NPDC1: variants seen among roughly 807,000 people sequenced by gnomAD.
NPDC1 encodes the protein neural proliferation differentiation and control protein 1.
NPDC1 carries 18 observed loss-of-function variants against 32.5 expected under a neutral mutation model. The ratio of observed to expected loss-of-function variants is 0.55; its 90% CI spans 0.38 to 0.82. NPDC1 has a LOEUF of 0.82. Among genes scored for constraint, NPDC1 ranks in the 40% least tolerant of loss-of-function variants. NPDC1 has a pLI of 0.00. For synonymous variants in NPDC1, 210 were observed against 184.7 expected, an observed-to-expected ratio of 1.14 and a Z score of -1.11; for missense variants, 468 against 406.6, an observed-to-expected ratio of 1.15 and a Z score of -1.30.
chr9:137,039,729 G>C lies in NPDC1; in HGVS notation c.*43C>G, dbSNP rs745451946. 24 of 717,906 alleles carry C rather than the reference G, an allele frequency of 3.3e-5. No homozygotes were observed. The highest frequency in any genetic ancestry group is 2.3e-4 in the Middle Eastern group (1 of 4,302). The allele number at this position is 717,906 out of a possible 1,614,324, so 44.5% of individuals were successfully genotyped here. ...CTCCAGGCCCTGCCCCTCCCCGGGG[G>C]CCTCGAGGTCGGGGAGCAGGTGGGC... On this transcript the variant is annotated 3_prime_UTR_variant, in exon 9 of 9. Transcript: ENST00000371601.
intron 1 of NPDC1, 86 bp downstream of exon 1, chr9:137,045,792 G>A (rs1403781915): frequency 3.8e-5 from 34 of 884,474 alleles, no homozygotes; most frequent in Non-Finnish European, 4.6e-5. Flanking sequence ...GGCAGGACGA[G>A]GGCGGCGGCG....
Position 137,040,455 on chromosome 9 carries a change from G to T in NPDC1, c.709-19C>A. ...CCCCAGGCTGTGGGAAGGAGGAGGC[G>T]AGGGTCAGTTGGCGGCCAGAGTTGG... On this transcript the variant is annotated intron_variant, in intron 6 of 8. Transcript: ENST00000371601. 6.4e-7 allele frequency: 1 copy of T among 1,560,474 alleles called. No individual in the cohort carries two copies.
chr9:137,041,663 C>T (rs1366698931), intron 2 of NPDC1, among the ~76,000 whole-genome samples: 2 of 152,258 alleles, frequency 1.3e-5, no homozygotes, highest in East Asian at 3.9e-4. Flanking sequence ...CCGGTACCCA[C>T]TGTGGGCTGC....
At chr9:137,042,812 C>G (rs895192782) in intron 2 of NPDC1, 115 bp downstream of exon 2, 40 of 1,284,632 alleles carry the variant, frequency 3.1e-5, no homozygotes, top group Non-Finnish European at 4.3e-5. Context: ...ACAGCCTGGG[C>G]CTCCCACAGT....
intron 7 of NPDC1, 117 bp from the exon 8 acceptor site, chr9:137,040,184 G>A: frequency 2.8e-6 from 2 of 707,310 alleles, no homozygotes; most frequent in Non-Finnish European, 5.0e-6. Context: ...ACAGCCCAGG[G>A]TGAAGTTGGC....
chr9:137,045,963 G>A lies in NPDC1; in HGVS notation c.27C>T (p.Ser9=), dbSNP rs1255984481. 8.4e-6 allele frequency: 10 copies of A among 1,193,224 alleles called. No homozygotes were observed. Among genetic ancestry groups the A allele is most frequent in the African/African-American group, 8.0e-5 (5 of 62,772 alleles). The allele number at this position is 1,193,224 out of a possible 1,614,324, so 73.9% of individuals were successfully genotyped here. Residue 9 remains serine, a synonymous_variant, in exon 1 of 9, where the codon TCC becomes TCT. Transcript: ENST00000371601. ...GCCGCAGCAGCCGCAGGTGCCGCGGGGAGGGCGGAGGCAGCGGCGTCGCCA... is the reference window on the plus strand; with the variant it reads ...GCCGCAGCAGCCGCAGGTGCCGCGGAGAGGGCGGAGGCAGCGGCGTCGCCA... MATPLPPP[S]PRHLRLLRLL...
chr9:137,044,424 C>T (rs1402850324), intron 1 of NPDC1, among the ~76,000 whole-genome samples: 2 of 152,208 alleles, frequency 1.3e-5, no homozygotes, highest in Non-Finnish European at 2.9e-5. Context: ...GATACCCCAC[C>T]GTCCACCACG....
rs1191831354 is a variant in NPDC1 at position 137,040,931 on chromosome 9, T to A, written c.439A>T (p.Thr147Ser). Reference protein sequence around the residue: ...GQGLELGLPSTPGTPTPTPHT... With the variant: ...GQGLELGLPSSPGTPTPTPHT... Reference sequence around the variant, plus strand: ...GGCGTGGGCGTGGGGGTTCCTGGAGTGGAGGGGAGGCCCAGCTCCAGCCCC... The same window carrying A: ...GGCGTGGGCGTGGGGGTTCCTGGAGAGGAGGGGAGGCCCAGCTCCAGCCCC... The change falls in exon 4 of 9, where the codon ACT becomes TCT. Residue 147 changes from threonine to serine, a missense_variant. Physicochemically the swap from Thr to Ser is moderately conservative, Grantham distance 58. Coordinates refer to ENST00000371601, the MANE Select transcript of NPDC1 (RefSeq NM_015392.4). 1.3e-6 allele frequency: 2 copies of A among 1,560,620 alleles called. No individual in the cohort carries two copies. The highest frequency in any genetic ancestry group is 2.8e-5 in the African/African-American group (2 of 72,674).
At chr9:137,043,253 A>C (rs747884999) in intron 1 of NPDC1, 180 bp from the exon 2 acceptor site, 2 of 763,558 alleles carry the variant, frequency 2.6e-6, no homozygotes, top group East Asian at 5.3e-5. Flanking sequence ...CCGGAAGCGA[A>C]CAGTCCTAGG....
At position 137,046,110 on chromosome 9, in the gene NPDC1, G is replaced by C; in HGVS notation, c.-121C>G. ...GAGGACGCAGGAGGAAGAAGAGGCG[G>C]ATGCCAAGGAGGAGGAGGAGGAAGA... On this transcript the variant is annotated 5_prime_UTR_variant, in exon 1 of 9. The change creates a new upstream start codon in the 5' untranslated region. Coordinates refer to ENST00000371601, the MANE Select transcript of NPDC1 (RefSeq NM_015392.4). The C allele has an allele frequency of 9.2e-7, 1 of 1,089,692 alleles. No homozygotes were observed. The highest frequency in any genetic ancestry group is 1.1e-6 in the Non-Finnish European group (1 of 896,198). The allele number at this position is 1,089,692 out of a possible 1,614,324, so 67.5% of individuals were successfully genotyped here.
intron 7 of NPDC1, 138 bp from the exon 8 acceptor site, chr9:137,040,205 G>A: frequency 1.3e-6 from 1 of 765,252 alleles, no homozygotes. Flanking sequence ...CAGGGGAGGT[G>A]AGGGTGCAGG....
In NPDC1 at chr9:137,042,403, G is replaced by A. The variant is rs558929782; in HGVS notation, c.259+524C>T. On this transcript the variant is annotated intron_variant, in intron 2 of 8. Transcript: ENST00000371601. ...CGAGTAGCTGGGACTACAGGCGCCC[G>A]CCGCCACGCCCGGCTAATTTTGTTT... is the stretch of plus-strand genomic sequence containing the variant. Among the ~76,000 whole-genome samples the A allele has an allele frequency of 1.2e-4, 18 of 151,868 alleles. No homozygotes were observed. In the South Asian group the frequency reaches 1.5e-3, roughly 12 times the overall value.
chr9:137,043,371 C>T, intron 1 of NPDC1: 1 of 713,986 alleles, frequency 1.4e-6, no homozygotes, highest in Non-Finnish European at 2.6e-6. Flanking sequence ...GCTGAGTTCT[C>T]CTGGGCAGGG....
rs944582137 is a variant in NPDC1, at chr9:137,046,152, C to T, written c.-163G>A. The T allele has an allele frequency of 2.7e-6, 3 of 1,095,972 alleles. No individual in the cohort carries two copies. The highest frequency in any genetic ancestry group is 3.4e-5 in the African/African-American group (2 of 59,636). 67.9% of individuals were successfully genotyped at this position (1,095,972 alleles called of 1,614,324 possible). ...GGAGGAAGAGGAAAGGCACGGGCGGCGGCGCTGACGCTGCAGCAAGGATCC... is the reference window on the plus strand; with the variant it reads ...GGAGGAAGAGGAAAGGCACGGGCGGTGGCGCTGACGCTGCAGCAAGGATCC... On this transcript the variant is annotated 5_prime_UTR_variant, in exon 1 of 9. Coordinates refer to ENST00000371601, the MANE Select transcript of NPDC1 (RefSeq NM_015392.4).
At chr9:137,042,646 G>A (rs1363844943) in intron 2 of NPDC1, among the ~76,000 whole-genome samples, 4 of 140,426 alleles carry the variant, frequency 2.8e-5, no homozygotes, top group Middle Eastern at 4.1e-3. Flanking sequence ...TGCAAGCTCC[G>A]CCTCCCGGGT....
intron 1 of NPDC1, 111 bp downstream of exon 1, chr9:137,045,767 G>A (rs938516074): frequency 3.1e-6 from 2 of 642,940 alleles, no homozygotes; most frequent in Non-Finnish European, 3.9e-6. Flanking sequence ...CAGGCCTGCA[G>A]GGCCTGCGGG....
intron 7 of NPDC1, 110 bp downstream of exon 7, chr9:137,040,247 T>G: frequency 3.1e-6 from 3 of 954,428 alleles, no homozygotes; most frequent in Non-Finnish European, 3.0e-6. Context: ...AGCGTGCAGG[T>G]GAGGGTGGCA....
chr9:137,041,043 G>A lies in NPDC1; in HGVS notation c.385+19C>T, dbSNP rs200992896. On this transcript the variant is annotated intron_variant, in intron 3 of 8. Transcript: ENST00000371601. ...GGGCTAGGGACAGGGCCGTGGGGCA[G>A]GGGAAGCGGGGGTCTCACCAGGCTC... is the stretch of plus-strand genomic sequence containing the variant. 42 of 1,519,270 alleles carry A rather than the reference G, an allele frequency of 2.8e-5. No individual in the cohort carries two copies. In the East Asian group the frequency reaches 5.7e-4, roughly 21 times the overall value. The allele number at this position is 1,519,270 out of a possible 1,614,324, so 94.1% of individuals were successfully genotyped here.
Position 137,040,429 on chromosome 9 carries a change from T to C in NPDC1, c.716A>G (p.Asp239Gly). ...SPAAPRISPG[D>G]QRLAQSAEMY... ...CTCCGCGCTCTGTGCCAGCCGCTGG[T>C]CCCCAGGCTGTGGGAAGGAGGAGGC... The change falls in exon 7 of 9, where the codon GAC (aspartate) becomes GGC (glycine). Residue 239 changes from aspartate to glycine, a missense_variant. Asp to Gly is a moderately conservative substitution (Grantham distance 94). Coordinates refer to ENST00000371601, the MANE Select transcript of NPDC1 (RefSeq NM_015392.4). The C allele has an allele frequency of 1.9e-6, 3 of 1,553,272 alleles. No homozygotes were observed. The highest frequency in any genetic ancestry group is 2.6e-6 in the Non-Finnish European group (3 of 1,149,720).
Sources: gnomAD v4.1 joint callset for allele counts (sites outside exome capture counted in the v4.1 genomes callset) on GRCh38, gnomAD v4.1.1 for gene constraint, MANE v1.5 for transcripts, NCBI Gene and HGNC (gene_info 2026-07-23, HGNC 2026-07-21) for gene names.